The following CADM2 variants were observed in gnomAD, a reference collection of about 807,000 sequenced individuals.
The protein encoded by CADM2 is cell adhesion molecule 2, also known as immunoglobulin superfamily member 4D.
A neutral mutation model predicts 49.8 loss-of-function variants in CADM2; 12 were observed. The ratio of observed to expected loss-of-function variants is 0.24; its 90% CI spans 0.15 to 0.39. CADM2 has a LOEUF of 0.39. Ranked by LOEUF, CADM2 falls within the 10% of genes least tolerant of loss-of-function variation. The pLI is 1.00. For synonymous variants in CADM2, 214 were observed against 175.4 expected (o/e 1.22, Z -1.74); for missense variants, 378 against 492.3 (o/e 0.77, Z 2.20).
At chr3:85,820,504 G>T (rs2073487069) in intron 3 of CADM2, among the ~76,000 whole-genome samples, 1 of 152,114 alleles carries the variant, frequency 6.6e-6, no homozygotes, top group Non-Finnish European at 1.5e-5. Flanking sequence ...GAGCAAATAG[G>T]ACCAGCTGAT....
chr3:85,756,699 T>G (rs1200643177), intron 2 of CADM2, among the ~76,000 whole-genome samples: 1 of 152,174 alleles, frequency 6.6e-6, no homozygotes, highest in Non-Finnish European at 1.5e-5. Flanking sequence ...TTAGTTTTCT[T>G]TCAAATTATC....
intron 1 of CADM2, among the ~76,000 whole-genome samples, chr3:85,451,760 CAG>C (rs2037757487): frequency 2.6e-5 from 4 of 152,068 alleles, no homozygotes; most frequent in African/African-American, 4.8e-5. Flanking sequence ...TATTACCTAA[CAG>C]TGTTATTCCA....
chr3:85,685,646 C>G (rs1317321836), intron 1 of CADM2, among the ~76,000 whole-genome samples: 1 of 124,784 alleles, frequency 8.0e-6, no homozygotes, highest in Admixed American at 9.6e-5. Flanking sequence ...GTTTTTAAGA[C>G]GGAGTCTCCC....
intron 1 of CADM2, among the ~76,000 whole-genome samples, chr3:85,458,556 A>G (rs2038100246): frequency 6.6e-6 from 1 of 152,142 alleles, no homozygotes; most frequent in Non-Finnish European, 1.5e-5. Flanking sequence ...TCTTTTCCAG[A>G]ATGTAGGTAG....
At chr3:85,945,280 T>C (rs1722517838) in intron 7 of CADM2, among the ~76,000 whole-genome samples, 1 of 151,980 alleles carries the variant, frequency 6.6e-6, no homozygotes, top group Admixed American at 6.6e-5. Flanking sequence ...ATTGAGGCAA[T>C]AATTAAGAGC....
At chr3:85,324,817 G>T (rs2044704989) in intron 1 of CADM2, among the ~76,000 whole-genome samples, 2 of 152,118 alleles carry the variant, frequency 1.3e-5, no homozygotes, top group Non-Finnish European at 2.9e-5. Flanking sequence ...TATTGCAACT[G>T]TCCCAGCTTC....
chr3:85,483,903 C>A (rs184817984), intron 1 of CADM2, among the ~76,000 whole-genome samples: 7 of 151,508 alleles, frequency 4.6e-5, no homozygotes, highest in African/African-American at 1.7e-4. Context: ...TCAAAAAACT[C>A]GAAGGCCTGT....
intron 1 of CADM2, among the ~76,000 whole-genome samples, chr3:85,271,634 C>T (rs1370385737): frequency 2.0e-5 from 3 of 150,948 alleles, no homozygotes; most frequent in Admixed American, 1.3e-4. Flanking sequence ...ATTTGTCAGG[C>T]CCAGGTGTCA....
intron 1 of CADM2, among the ~76,000 whole-genome samples, chr3:85,159,260 A>T (rs555977537): frequency 1.3e-5 from 2 of 152,314 alleles, no homozygotes; most frequent in South Asian, 2.1e-4. Context: ...ATACTAATAC[A>T]TCAAAACCAC....
intron 1 of CADM2, among the ~76,000 whole-genome samples, chr3:85,074,334 C>A (rs1292272351): frequency 6.6e-6 from 1 of 152,090 alleles, no homozygotes; most frequent in Non-Finnish European, 1.5e-5. Flanking sequence ...GTGGTGCTTA[C>A]CCTGACTCAT....
intron 1 of CADM2, among the ~76,000 whole-genome samples, chr3:85,488,495 T>C (rs1261960747): frequency 6.6e-6 from 1 of 151,986 alleles, no homozygotes; most frequent in African/African-American, 2.4e-5. Flanking sequence ...GATGAGATGA[T>C]TTAGGTAATT....
At chr3:85,889,767 G>GA (rs142893478) in intron 5 of CADM2, among the ~76,000 whole-genome samples, 141 of 152,088 alleles carry the variant, frequency 9.3e-4, no homozygotes, top group African/African-American at 3.2e-3. Flanking sequence ...ACCAATTCCT[G>GA]AATTAGTCCT....
intron 1 of CADM2, among the ~76,000 whole-genome samples, chr3:85,485,960 A>G (rs2039398406): frequency 6.6e-6 from 1 of 152,098 alleles, no homozygotes; most frequent in African/African-American, 2.4e-5. Flanking sequence ...TATAGTTCAT[A>G]CATAAGGTTA....
In CADM2 at chr3:85,420,967, G is replaced by A. The variant is rs555039946; in HGVS notation, c.62-305555G>A. Among the ~76,000 whole-genome samples, 14 of 152,168 alleles carry A rather than the reference G, an allele frequency of 9.2e-5. 1 individual carries two copies. Among genetic ancestry groups the A allele is most frequent in the Non-Finnish European group, 1.3e-4 (9 of 68,006 alleles). ...ATTTCACAAAAATTCACTTGCCATA[G>A]CAATAATGGGGATGCATAATTTTTA... On this transcript the variant is annotated intron_variant, in intron 1 of 9. Transcript: ENST00000383699.
At chr3:85,553,542 T>G (rs77016384) in intron 1 of CADM2, among the ~76,000 whole-genome samples, 9,112 of 152,236 alleles carry the variant, frequency 0.06, 623 homozygotes, top group African/African-American at 0.17. Context: ...ACTTAACGGA[T>G]ATGTGTAAAA....
rs1212824115 is a variant in CADM2 at position 85,960,363 on chromosome 3, GC to G, written c.792-1105del. On this transcript the variant is annotated intron_variant, in intron 7 of 9. Coordinates refer to ENST00000383699, the MANE Select transcript of CADM2 (RefSeq NM_001167675.2). ...CAATATTTCTATCAAATTTAACAAA[GC>G]TTTTGAGAAAATGATTCCATGTGAT... is the stretch of plus-strand genomic sequence containing the variant. Among the ~76,000 whole-genome samples, 6 of 151,850 alleles carry G rather than the reference GC, an allele frequency of 4.0e-5. No individual in the cohort carries two copies. The East Asian group carries it at 1.2e-3, about 30-fold the overall frequency.
chr3:85,871,806 A>G (rs1577526969), intron 3 of CADM2, among the ~76,000 whole-genome samples: 1 of 152,062 alleles, frequency 6.6e-6, no homozygotes. Flanking sequence ...CTGCCCTTGT[A>G]TTGAGCACAT....
At chr3:85,795,085 C>T (rs1359227317) in intron 2 of CADM2, among the ~76,000 whole-genome samples, 7 of 151,950 alleles carry the variant, frequency 4.6e-5, no homozygotes, top group Admixed American at 2.0e-4. Flanking sequence ...ACCAACTTAA[C>T]CATTATTTTT....
intron 2 of CADM2, among the ~76,000 whole-genome samples, chr3:85,730,222 A>T (rs551028301): frequency 6.6e-6 from 1 of 152,044 alleles, no homozygotes; most frequent in Non-Finnish European, 1.5e-5. Flanking sequence ...CAGGTGGATC[A>T]CTTGAGGTCA....
Sources: allele counts gnomAD v4.1 joint callset (sites outside exome capture counted in the v4.1 genomes callset), GRCh38; gene constraint gnomAD v4.1.1; transcripts MANE v1.5; gene names NCBI Gene and HGNC (gene_info 2026-07-23, HGNC 2026-07-21).